The following CNTNAP2 variants were observed in gnomAD, a reference collection of about 807,000 sequenced individuals.
CNTNAP2 encodes the protein contactin associated protein 2, also known as contactin-associated protein-like 2.
CNTNAP2 carries 98 observed loss-of-function variants against 155.2 expected under a neutral mutation model. The ratio of observed to expected loss-of-function variants is 0.63; its 90% CI spans 0.54 to 0.75. CNTNAP2 has a LOEUF of 0.75. CNTNAP2 is among the 30% of genes least tolerant of loss of function. The pLI, the probability that CNTNAP2 is intolerant of heterozygous loss-of-function variation, is 0.00. For synonymous variants in CNTNAP2, 651 were observed against 631.2 expected (o/e 1.03, Z -0.47); for missense variants, 1,727 against 1,688.1 (o/e 1.02, Z -0.40).
At chr7:147,866,117 G>A (rs937075331) in intron 13 of CNTNAP2, among the ~76,000 whole-genome samples, 17 of 152,274 alleles carry the variant, frequency 1.1e-4, no homozygotes, top group Admixed American at 7.8e-4. Context: ...ATTCTGGTAC[G>A]TTGTGTCTTT....
At chr7:147,961,311 CA>C (rs1435542023) in intron 14 of CNTNAP2, among the ~76,000 whole-genome samples, 2 of 152,170 alleles carry the variant, frequency 1.3e-5, no homozygotes, top group Non-Finnish European at 2.9e-5. Context: ...TTATTTGCTA[CA>C]CCAGGAATAT....
intron 14 of CNTNAP2, among the ~76,000 whole-genome samples, chr7:147,964,319 C>T (rs568928133): frequency 1.6e-4 from 25 of 152,254 alleles, no homozygotes; most frequent in Admixed American, 6.5e-4. Context: ...TGTCTCAATA[C>T]GGCAGCCTGA....
chr7:147,706,418 A>AT (rs1012100982), intron 13 of CNTNAP2, among the ~76,000 whole-genome samples: 47 of 147,142 alleles, frequency 3.2e-4, no homozygotes, highest in East Asian at 2.0e-3. Flanking sequence ...CTTGGGTGGC[A>AT]TTTTTTTTTT....
intron 21 of CNTNAP2, among the ~76,000 whole-genome samples, chr7:148,354,464 C>T (rs1227139008): frequency 1.3e-5 from 2 of 152,086 alleles, no homozygotes; most frequent in Admixed American, 6.5e-5. Flanking sequence ...CTGTTCCAAT[C>T]CAGCACATAG....
chr7:146,841,132 C>T (rs1051301841), intron 3 of CNTNAP2, among the ~76,000 whole-genome samples: 2 of 152,182 alleles, frequency 1.3e-5, no homozygotes, highest in Non-Finnish European at 2.9e-5. Flanking sequence ...GTCCCAACCC[C>T]AGAGACTTGA....
chr7:147,485,515 A>G (rs1019602705), intron 10 of CNTNAP2, among the ~76,000 whole-genome samples: 2 of 152,196 alleles, frequency 1.3e-5, no homozygotes, highest in African/African-American at 2.4e-5. Flanking sequence ...AATTGCTATG[A>G]AAAACTTGAT....
chr7:148,157,074 G>A (rs1562977214), intron 17 of CNTNAP2, among the ~76,000 whole-genome samples: 1 of 152,170 alleles, frequency 6.6e-6, no homozygotes, highest in African/African-American at 2.4e-5. Context: ...ATTTACTTAT[G>A]CCACACACTG....
At chr7:147,810,105 T>G (rs544253665) in intron 13 of CNTNAP2, among the ~76,000 whole-genome samples, 10 of 152,330 alleles carry the variant, frequency 6.6e-5, no homozygotes, top group Middle Eastern at 3.4e-3. Flanking sequence ...GTACTTTGTA[T>G]GGCAGATGCC....
intron 14 of CNTNAP2, chr7:147,940,106 A>T (rs1038747309): frequency 6.6e-6 from 1 of 151,996 alleles, no homozygotes; most frequent in Admixed American, 6.6e-5. Context: ...CACTGTGCTG[A>T]TAGGGTAGTC....
intron 3 of CNTNAP2, among the ~76,000 whole-genome samples, chr7:146,928,034 C>T (rs1796644136): frequency 6.6e-6 from 1 of 151,168 alleles, no homozygotes; most frequent in African/African-American, 2.4e-5. Context: ...TCCTGTAGTC[C>T]TCCATCCTCC....
At position 148,247,662 on chromosome 7, in the gene CNTNAP2, TA is replaced by T. The variant is rs71188955; in HGVS notation, c.3381+17884del. ...TTATTTATTTATTTATTTATTTATT[TA>T]TTTTTTTGGAGATAGAGTCCCACTC... is the stretch of plus-strand genomic sequence containing the variant. On this transcript the variant is annotated intron_variant, in intron 20 of 23. Coordinates refer to ENST00000361727, the MANE Select transcript of CNTNAP2 (RefSeq NM_014141.6). 4.5e-3 allele frequency among the ~76,000 whole-genome samples: 635 copies of T among 140,058 alleles called. 13 individuals carry two copies. Among genetic ancestry groups the T allele is most frequent in the Middle Eastern group, 0.011 (3 of 276 alleles). 91.9% of individuals were successfully genotyped at this position (140,058 alleles called of 152,430 possible).
rs571500499 is a variant in CNTNAP2, at chr7:147,793,612, C to A, written c.2099-109953C>A. 8.6e-4 allele frequency among the ~76,000 whole-genome samples: 131 copies of A among 152,146 alleles called. 2 individuals carry two copies. In the South Asian group the frequency reaches 0.025, roughly 30 times the overall value. On this transcript the variant is annotated intron_variant, in intron 13 of 23. Transcript: ENST00000361727. ...AAATTGGAAAGTGTGAGTCCTCCAA[C>A]TGTGTTTTTCTATTTTAAGATGCTT...
intron 8 of CNTNAP2, among the ~76,000 whole-genome samples, chr7:147,268,264 A>G (rs528849055): frequency 1.4e-4 from 21 of 152,254 alleles, no homozygotes; most frequent in African/African-American, 5.1e-4. Flanking sequence ...ATTCACTTCA[A>G]TGTTTTTAAA....
Position 147,043,992 on chromosome 7 carries a change from C to CT in CNTNAP2, c.489dup (p.Leu164SerfsTer14). The CT allele has an allele frequency of 6.2e-7, 1 of 1,614,172 alleles. No homozygotes were observed. The highest frequency in any genetic ancestry group is 8.5e-7 in the Non-Finnish European group (1 of 1,180,034). On this transcript the variant is annotated frameshift_variant, in exon 4 of 24. Transcript: ENST00000361727. LOFTEE classifies it high-confidence loss of function. The stretch of plus-strand genomic sequence containing the variant: ...ATTGCCCGCTATGTGCGCATAGTGC[C>CT]TCTGGATTGGAATGGAGAAGGTCGC...
At chr7:146,611,661 TTTCTATTTTG>T (rs1028814853) in intron 1 of CNTNAP2, among the ~76,000 whole-genome samples, 38 of 152,166 alleles carry the variant, frequency 2.5e-4, no homozygotes, top group Non-Finnish European at 5.4e-4. Flanking sequence ...GCAGTAAAAT[TTTCTATTTTG>T]TTCTCTGTCT....
chr7:146,235,470 TAGAAA>T (rs1418290844), intron 1 of CNTNAP2, among the ~76,000 whole-genome samples: 1 of 152,076 alleles, frequency 6.6e-6, no homozygotes, highest in Non-Finnish European at 1.5e-5. Context: ...GAGATGTAGA[TAGAAA>T]AGAAAAGGCA....
chr7:146,426,929 T>A (rs1023271476), intron 1 of CNTNAP2, among the ~76,000 whole-genome samples: 1 of 152,100 alleles, frequency 6.6e-6, no homozygotes, highest in Non-Finnish European at 1.5e-5. Context: ...AGTTAGCCGT[T>A]CCACAATGTA....
intron 21 of CNTNAP2, among the ~76,000 whole-genome samples, chr7:148,273,923 T>A (rs1443768381): frequency 6.6e-6 from 1 of 152,154 alleles, no homozygotes; most frequent in Non-Finnish European, 1.5e-5. Context: ...TTCTAAGGCT[T>A]TCTAAAACTT....
intron 16 of CNTNAP2, among the ~76,000 whole-genome samples, chr7:148,131,305 G>A (rs1338267490): frequency 1.3e-5 from 2 of 151,812 alleles, no homozygotes; most frequent in African/African-American, 4.8e-5. Context: ...CACTGTGTTG[G>A]CCAGGATGGT....
Sources: allele counts gnomAD v4.1 joint callset (sites outside exome capture counted in the v4.1 genomes callset), GRCh38; gene constraint gnomAD v4.1.1; transcripts MANE v1.5; gene names NCBI Gene and HGNC (gene_info 2026-07-23, HGNC 2026-07-21).